The following PCDH15 variants were observed in gnomAD, a reference collection of about 807,000 sequenced individuals.
PCDH15 encodes the protein protocadherin-15.
PCDH15 carries 129 observed loss-of-function variants against 178.5 expected under a neutral mutation model. The ratio of observed to expected loss-of-function variants is 0.72; its 90% CI spans 0.63 to 0.84. The LOEUF is 0.84. Ranked by LOEUF, PCDH15 falls within the 40% of genes least tolerant of loss-of-function variation. PCDH15 has a pLI of 0.00. For synonymous variants in PCDH15, 800 were observed against 732.0 expected, an observed-to-expected ratio of 1.09 and a Z score of -1.50; for missense variants, 2,230 against 2,099.9, an observed-to-expected ratio of 1.06 and a Z score of -1.21.
chr10:54,258,629 C>T (rs1158990167), intron 8 of PCDH15, among the ~76,000 whole-genome samples: 1 of 152,078 alleles, frequency 6.6e-6, no homozygotes, highest in African/African-American at 2.4e-5. Flanking sequence ...CCAGGTATGT[C>T]TTTAAATTTA....
rs66635175 is a variant in PCDH15, at chr10:54,211,987, C to CAA, written c.1098+1947_1098+1948dup. Among the ~76,000 whole-genome samples, 1,017 of 150,350 alleles carry CAA rather than the reference C, an allele frequency of 6.8e-3. 5 individuals are homozygous for CAA. Among genetic ancestry groups the CAA allele is most frequent in the African/African-American group, 0.021 (879 of 41,146 alleles). On this transcript the variant is annotated intron_variant, in intron 10 of 37. Coordinates refer to ENST00000644397, the MANE Select transcript of PCDH15 (RefSeq NM_001384140.1). ...TTAATAAAAGAAAGTGCTATTAAAA[C>CAA]AAAAAAAAAATCTGTGGCCTATTGT...
chr10:54,527,992 A>C, intron 2 of PCDH15, 115 bp from the exon 3 acceptor site: 3 of 765,910 alleles, frequency 3.9e-6, no homozygotes, highest in Non-Finnish European at 6.7e-6. Flanking sequence ...CAATCTAATT[A>C]ATATGCATCA....
rs1413632977 is a variant in PCDH15, at chr10:55,582,626, A to ATTTTT, written c.-156+44998_-156+44999insAAAAA. Among the ~76,000 whole-genome samples, 21 of 61,226 alleles carry ATTTTT rather than the reference A, an allele frequency of 3.4e-4. 1 individual carries two copies. The highest frequency in any genetic ancestry group is 8.3e-4 in the African/African-American group (13 of 15,620). 40.2% of individuals were successfully genotyped at this position (61,226 alleles called of 152,430 possible). On this transcript the variant is annotated intron_variant, in intron 2 of 5. Coordinates refer to the PCDH15 transcript ENST00000613346. ...TATATATATATATATATATATATAT[A>ATTTTT]TATTTTTTTTTTTTTGCTATATTTG... is the stretch of plus-strand genomic sequence containing the variant.
intron 2 of PCDH15, among the ~76,000 whole-genome samples, chr10:54,933,560 T>G (rs1467965850): frequency 6.6e-6 from 1 of 152,034 alleles, no homozygotes; most frequent in Admixed American, 6.6e-5. Context: ...TCCTTGAAAA[T>G]TTGTCTGATA....
upstream of PCDH15, among the ~76,000 whole-genome samples, chr10:55,324,270 T>C (rs1265836197): frequency 6.6e-6 from 1 of 152,122 alleles, no homozygotes; most frequent in Admixed American, 6.5e-5. Flanking sequence ...ATGAGCTAAA[T>C]GTCCCAATTA....
chr10:54,499,089 AT>A (rs2080397761), intron 3 of PCDH15, among the ~76,000 whole-genome samples: 1 of 152,188 alleles, frequency 6.6e-6, no homozygotes. Context: ...TCAACATGAA[AT>A]TTGGGTGGGG....
rs185149042 is a variant in PCDH15 at position 53,980,024 on chromosome 10, G to A, written c.2868+15625C>T. ...ACCTGAGGTCAAGAGTTCGTGACCA[G>A]CCTGGCCAACATGGTGAAACTCCGT... is the stretch of plus-strand genomic sequence containing the variant. On this transcript the variant is annotated intron_variant, in intron 21 of 37. Transcript: ENST00000644397. Among the ~76,000 whole-genome samples the A allele has an allele frequency of 3.4e-4, 51 of 152,192 alleles. 1 individual carries two copies. In the East Asian group the frequency reaches 9.5e-3, roughly 28 times the overall value.
At chr10:54,137,449 T>C (rs1590721089) in intron 14 of PCDH15, among the ~76,000 whole-genome samples, 1 of 152,280 alleles carries the variant, frequency 6.6e-6, no homozygotes. Context: ...TTTTTTTTGA[T>C]AAACATAGAA....
At chr10:55,010,799 TAAA>T (rs5785110) in intron 2 of PCDH15, among the ~76,000 whole-genome samples, 3 of 150,592 alleles carry the variant, frequency 2.0e-5, no homozygotes, top group Non-Finnish European at 3.0e-5. Flanking sequence ...CAACAACTTA[TAAA>T]AAAAAAAGGT....
rs143133286 is a variant in PCDH15 at position 54,101,811 on chromosome 10, A to T, written c.1918-11748T>A. ...GTGAAACTCATCTATACCAAGAAAA[A>T]AAAAGATAAGAAAATTAGCTGTGTG... is the stretch of plus-strand genomic sequence containing the variant. On this transcript the variant is annotated intron_variant, in intron 15 of 37. Transcript: ENST00000644397. Among the ~76,000 whole-genome samples, 282 of 152,084 alleles carry T rather than the reference A, an allele frequency of 1.9e-3. 2 individuals carry two copies. The highest frequency in any genetic ancestry group is 6.6e-3 in the African/African-American group (274 of 41,508).
rs566461103 is a variant in PCDH15 at position 54,430,807 on chromosome 10, A to G, written c.158-51865T>C. On this transcript the variant is annotated intron_variant, in intron 3 of 37. Coordinates refer to ENST00000644397, the MANE Select transcript of PCDH15 (RefSeq NM_001384140.1). Reference sequence around the variant, plus strand: ...ATTCCAATGAAGAAAACAATACAAAAGAATAATGAAATAAAAAGTTTGTTT... The same window carrying G: ...ATTCCAATGAAGAAAACAATACAAAGGAATAATGAAATAAAAAGTTTGTTT... Among the ~76,000 whole-genome samples, 4 of 152,250 alleles carry G rather than the reference A, an allele frequency of 2.6e-5. No homozygotes were observed. In the South Asian group the frequency reaches 8.3e-4, roughly 32 times the overall value.
chr10:55,055,098 G>A (rs1591863316), intron 2 of PCDH15, among the ~76,000 whole-genome samples: 1 of 152,156 alleles, frequency 6.6e-6, no homozygotes, highest in South Asian at 2.1e-4. Flanking sequence ...CCATTCCTAT[G>A]TCCAGAATTG....
At chr10:53,982,736 G>A (rs2090763726) in intron 21 of PCDH15, among the ~76,000 whole-genome samples, 2 of 150,476 alleles carry the variant, frequency 1.3e-5, no homozygotes, top group South Asian at 4.2e-4. Flanking sequence ...CGAGTTAATG[G>A]GTGCAGCACA....
At chr10:55,318,796 A>G (rs1358273107) in intron 1 of PCDH15, among the ~76,000 whole-genome samples, 1 of 152,216 alleles carries the variant, frequency 6.6e-6, no homozygotes, top group Non-Finnish European at 1.5e-5. Flanking sequence ...ATCTGTAATT[A>G]GACACATGTT....
At chr10:54,867,834 G>A (rs1378619343) in intron 3 of PCDH15, among the ~76,000 whole-genome samples, 1 of 152,088 alleles carries the variant, frequency 6.6e-6, no homozygotes, top group Non-Finnish European at 1.5e-5. Flanking sequence ...CTCTAGCTCA[G>A]CAGTGTGATG....
At chr10:53,825,218 T>A in intron 32 of PCDH15, 1 of 1,475,360 alleles carries the variant, frequency 6.8e-7, no homozygotes, top group South Asian at 1.4e-5. Flanking sequence ...TTTAAAACAA[T>A]TCTGAAAATA....
chr10:54,813,412 A>T (rs142195842), intron 3 of PCDH15, among the ~76,000 whole-genome samples: 1 of 152,250 alleles, frequency 6.6e-6, no homozygotes, highest in African/African-American at 2.4e-5. Flanking sequence ...GAAACCTTCC[A>T]CTATTCACTA....
intron 5 of PCDH15, among the ~76,000 whole-genome samples, chr10:54,365,507 T>C (rs2134607291): frequency 6.6e-6 from 1 of 152,164 alleles, no homozygotes; most frequent in Non-Finnish European, 1.5e-5. Flanking sequence ...ACCAGACATA[T>C]ATAAGCTCTA....
chr10:54,134,478 G>A (rs1382062773), intron 14 of PCDH15, among the ~76,000 whole-genome samples: 3 of 152,108 alleles, frequency 2.0e-5, no homozygotes, highest in Non-Finnish European at 2.9e-5. Flanking sequence ...TTCAGGCTGG[G>A]CACGGTGGCT....
Sources: allele counts gnomAD v4.1 joint callset (sites outside exome capture counted in the v4.1 genomes callset), GRCh38; gene constraint gnomAD v4.1.1; transcripts MANE v1.5; gene names NCBI Gene and HGNC (gene_info 2026-07-23, HGNC 2026-07-21).